SCGB1A1: variants seen among roughly 807,000 people sequenced by gnomAD.
SCGB1A1 encodes secretoglobin family 1A member 1.
In SCGB1A1, 8 loss-of-function variants were observed where a neutral mutation model predicts 7.5. The ratio of observed to expected loss-of-function variants is 1.07; its 90% confidence interval spans 0.63 to 1.92. SCGB1A1 has a LOEUF of 1.92. Among genes scored for constraint, SCGB1A1 ranks in the 30% most tolerant of loss-of-function variants. SCGB1A1 has a pLI of 0.00. For missense variants in SCGB1A1, 121 were observed against 112.7 expected, an observed-to-expected ratio of 1.07 and a Z score of -0.33; for synonymous variants, 44 against 40.8, an observed-to-expected ratio of 1.08 and a Z score of -0.30.
Position 62,423,085 on chromosome 11 carries a change from T to G in SCGB1A1, c.270T>G (p.Cys90Trp). Reference sequence around the variant, plus strand: ...AAAAAATAGCCCAAAGCTCACTGTGTAATTAGCATTTAGAAGCTGAAGATC... The same window carrying G: ...AAAAAATAGCCCAAAGCTCACTGTGGAATTAGCATTTAGAAGCTGAAGATC... ...LMEKIAQSSL[C>W]N is the part of the protein sequence containing the mutation. The change falls in exon 3 of 3, where the codon TGT becomes TGG. Residue 90 changes from cysteine (C) to tryptophan (W), a missense_variant. Physicochemically the swap from Cys to Trp is radical, Grantham distance 215. Coordinates refer to ENST00000278282, the MANE Select transcript of SCGB1A1 (RefSeq NM_003357.5). 6.2e-7 allele frequency: 1 copy of G among 1,614,170 alleles called. No homozygotes were observed. The highest frequency in any genetic ancestry group is 1.1e-5 in the South Asian group (1 of 91,082).
rs774508278 is a variant in SCGB1A1, at chr11:62,423,113, C to CAACT, written c.*23_*26dup. ...TTAGCATTTAGAAGCTGAAGATCCC[C>CAACT]AACTGCTCCAGCCTCTGCCGCTGCC... is the stretch of plus-strand genomic sequence containing the variant. On this transcript the variant is annotated 3_prime_UTR_variant, in exon 3 of 3. Transcript: ENST00000278282. The CAACT allele has an allele frequency of 6.2e-7, 1 of 1,612,810 alleles. No individual in the cohort carries two copies. The highest frequency in any genetic ancestry group is 1.7e-5 in the Admixed American group (1 of 60,010).
At chr11:62,420,461 G>A (rs1197654118) in intron 1 of SCGB1A1, among the ~76,000 whole-genome samples, 2 of 151,168 alleles carry the variant, frequency 1.3e-5, no homozygotes, top group African/African-American at 2.4e-5. Flanking sequence ...TTACAGGCAC[G>A]CACCACTGCA....
intron 2 of SCGB1A1, 146 bp downstream of exon 2, chr11:62,422,554 C>A: frequency 1.4e-5 from 6 of 422,834 alleles, no homozygotes; most frequent in East Asian, 4.2e-5. Flanking sequence ...AGTGATCTTT[C>A]TAGACATCTC....
chr11:62,421,418 C>T (rs1264420313), intron 1 of SCGB1A1, among the ~76,000 whole-genome samples: 3 of 152,086 alleles, frequency 2.0e-5, no homozygotes, highest in East Asian at 1.9e-4. Flanking sequence ...CGGCCAGGTT[C>T]GGGGGCCCAT....
intron 1 of SCGB1A1, 168 bp from the exon 2 acceptor site, chr11:62,422,053 A>G (rs1420062283): frequency 2.0e-5 from 10 of 498,358 alleles, no homozygotes; most frequent in East Asian, 9.4e-5. Flanking sequence ...CAAGAAGTCT[A>G]AGGAAGACTC....
chr11:62,420,324 T>C (rs1937753067), intron 1 of SCGB1A1, among the ~76,000 whole-genome samples: 1 of 150,300 alleles, frequency 6.7e-6, no homozygotes, highest in South Asian at 2.1e-4. Flanking sequence ...CTTTTTTTTT[T>C]TTTTTTTTGA....
intron 1 of SCGB1A1, among the ~76,000 whole-genome samples, chr11:62,420,532 T>A (rs1937760781): frequency 6.6e-6 from 1 of 151,182 alleles, no homozygotes; most frequent in Non-Finnish European, 1.5e-5. Context: ...CAGGATGGTC[T>A]CCATCTCTTG....
At position 62,419,140 on chromosome 11, in the gene SCGB1A1, C is replaced by T. The variant is rs1590782516; in HGVS notation, c.45C>T (p.Cys15=). 1.3e-6 allele frequency: 2 copies of T among 1,573,912 alleles called. No homozygotes were observed. The highest frequency in any genetic ancestry group is 4.7e-5 in the East Asian group (2 of 42,542). ...TCACCCTGGTCACACTGGCTCTCTG[C>T]TGCAGCTCCGGTGAGTGCTCAGAGA... ...VTLTLVTLAL[C]CSSASAEICP... is the part of the protein sequence containing the mutation. The change falls in exon 1 of 3, where the codon TGC becomes TGT. Residue 15 remains cysteine (C), a synonymous_variant. Transcript: ENST00000278282.
At chr11:62,422,153 C>A in intron 1 of SCGB1A1, 68 bp from the exon 2 acceptor site, 2 of 1,429,996 alleles carry the variant, frequency 1.4e-6, no homozygotes, top group Non-Finnish European at 1.9e-6. Flanking sequence ...CTGGGCAGAC[C>A]CAGCCAGAGG....
Position 62,423,159 on chromosome 11 carries a change from C to T in SCGB1A1, c.*68C>T. ...CTGCCATGCTTTGAGTCCACGCCCACCAGCCTTGCTCTCTTCAATAAACCA... is the reference window on the plus strand; with the variant it reads ...CTGCCATGCTTTGAGTCCACGCCCATCAGCCTTGCTCTCTTCAATAAACCA... On this transcript the variant is annotated 3_prime_UTR_variant, in exon 3 of 3. Coordinates refer to ENST00000278282, the MANE Select transcript of SCGB1A1 (RefSeq NM_003357.5). The T allele has an allele frequency of 6.6e-7, 1 of 1,504,948 alleles. No individual in the cohort carries two copies. Among genetic ancestry groups the T allele is most frequent in the South Asian group, 1.1e-5 (1 of 88,920 alleles). 93.2% of individuals were successfully genotyped at this position (1,504,948 alleles called of 1,614,324 possible). A position where few individuals can be genotyped will look rare whatever the true frequency, so the allele number is the denominator to read the frequency against.
chr11:62,422,723 C>CA (rs1437776971), intron 2 of SCGB1A1, among the ~76,000 whole-genome samples: 1 of 152,054 alleles, frequency 6.6e-6, no homozygotes, highest in Non-Finnish European at 1.5e-5. Context: ...TACAGGCACC[C>CA]ACCATCATGC....
chr11:62,419,242 C>T, intron 1 of SCGB1A1, 92 bp downstream of exon 1: 5 of 1,061,958 alleles, frequency 4.7e-6, no homozygotes, highest in Non-Finnish European at 6.3e-6. Flanking sequence ...GCTGCCCATT[C>T]CTGCTCTGGA....
chr11:62,420,337 C>G (rs1937754031), intron 1 of SCGB1A1, among the ~76,000 whole-genome samples: 1 of 136,068 alleles, frequency 7.3e-6, no homozygotes, highest in South Asian at 2.3e-4. Context: ...TTTTTTGAGA[C>G]AGAGTCTCGC....
At position 62,419,159 on chromosome 11, in the gene SCGB1A1, T is replaced by C; in HGVS notation, c.55+9T>C. 1.3e-6 allele frequency: 2 copies of C among 1,535,474 alleles called. No individual in the cohort carries two copies. The highest frequency in any genetic ancestry group is 8.8e-7 in the Non-Finnish European group (1 of 1,134,532). Reference sequence around the variant, plus strand: ...TCTCTGCTGCAGCTCCGGTGAGTGCTCAGAGACCCTTCCCTCCCTCCTGGA... The same window carrying C: ...TCTCTGCTGCAGCTCCGGTGAGTGCCCAGAGACCCTTCCCTCCCTCCTGGA... On this transcript the variant is annotated intron_variant, in intron 1 of 2. Coordinates refer to ENST00000278282, the MANE Select transcript of SCGB1A1 (RefSeq NM_003357.5).
intron 1 of SCGB1A1, among the ~76,000 whole-genome samples, chr11:62,420,708 G>A (rs1460225398): frequency 2.0e-5 from 3 of 151,414 alleles, no homozygotes; most frequent in Non-Finnish European, 4.4e-5. Flanking sequence ...GCCGAGGTGG[G>A]TAGATCACTT....
chr11:62,420,460 C>T (rs1342916021), intron 1 of SCGB1A1, among the ~76,000 whole-genome samples: 4 of 151,290 alleles, frequency 2.6e-5, no homozygotes, highest in African/African-American at 4.8e-5. Flanking sequence ...ATTACAGGCA[C>T]GCACCACTGC....
At chr11:62,421,504 C>G (rs1021998904) in intron 1 of SCGB1A1, among the ~76,000 whole-genome samples, 8 of 151,262 alleles carry the variant, frequency 5.3e-5, no homozygotes, top group African/African-American at 1.9e-4. Flanking sequence ...TGCTTGCTTG[C>G]TTGCTTGCTT....
At chr11:62,422,178 A>T in intron 1 of SCGB1A1, 43 bp from the exon 2 acceptor site, 2 of 1,538,246 alleles carry the variant, frequency 1.3e-6, no homozygotes, top group Non-Finnish European at 1.8e-6. Context: ...GCCAGCTTGG[A>T]AAGGGGCCTG....
intron 1 of SCGB1A1, among the ~76,000 whole-genome samples, chr11:62,420,538 T>C (rs1937760966): frequency 6.6e-6 from 1 of 151,220 alleles, no homozygotes; most frequent in Non-Finnish European, 1.5e-5. Context: ...GGTCTCCATC[T>C]CTTGACCTCG....
Sources: allele counts gnomAD v4.1 joint callset (sites outside exome capture counted in the v4.1 genomes callset), GRCh38; gene constraint gnomAD v4.1.1; transcripts MANE v1.5; gene names NCBI Gene and HGNC (gene_info 2026-07-23, HGNC 2026-07-21).